PTPRG: variants seen among roughly 807,000 people sequenced by gnomAD.
The protein encoded by PTPRG is receptor-type tyrosine-protein phosphatase gamma.
In PTPRG, 102 loss-of-function variants were observed where a neutral mutation model predicts 165.3. The ratio of observed to expected loss-of-function variants is 0.62; its 90% CI spans 0.53 to 0.73. PTPRG has a LOEUF of 0.73. PTPRG is among the 30% of genes least tolerant of loss of function. PTPRG has a pLI of 0.00. For synonymous variants in PTPRG, 675 were observed against 669.5 expected, an observed-to-expected ratio of 1.01 and a Z score of -0.13; for missense variants, 1,866 against 1,861.4, an observed-to-expected ratio of 1.00 and a Z score of -0.05.
At chr3:61,814,719 A>G (rs2035702812) in intron 2 of PTPRG, among the ~76,000 whole-genome samples, 2 of 151,268 alleles carry the variant, frequency 1.3e-5, no homozygotes, top group Non-Finnish European at 2.9e-5. Flanking sequence ...ATGATAGGAT[A>G]TTGCTCTTGC....
intron 2 of PTPRG, among the ~76,000 whole-genome samples, chr3:61,809,983 C>A (rs1443872534): frequency 6.6e-6 from 1 of 152,182 alleles, no homozygotes; most frequent in Admixed American, 6.5e-5. Context: ...GGAATTGTGG[C>A]CATGCCCACC....
At chr3:62,031,629 T>G (rs923163668) in intron 4 of PTPRG, among the ~76,000 whole-genome samples, 8 of 152,300 alleles carry the variant, frequency 5.3e-5, no homozygotes, top group African/African-American at 1.9e-4. Flanking sequence ...TGGAATGACC[T>G]GCAGTGTAAA....
intron 1 of PTPRG, among the ~76,000 whole-genome samples, chr3:61,660,730 G>A (rs886269990): frequency 3.3e-5 from 5 of 152,250 alleles, no homozygotes; most frequent in Admixed American, 6.5e-5. Flanking sequence ...GACTGGATGC[G>A]TTGGCTCACG....
chr3:61,812,777 C>T (rs988211991), intron 2 of PTPRG, among the ~76,000 whole-genome samples: 1 of 152,230 alleles, frequency 6.6e-6, no homozygotes, highest in Admixed American at 6.5e-5. Context: ...AGATAATTCT[C>T]TGATGCAGTT....
chr3:61,826,549 T>G (rs1176542462), intron 2 of PTPRG, among the ~76,000 whole-genome samples: 3 of 152,124 alleles, frequency 2.0e-5, no homozygotes, highest in African/African-American at 4.8e-5. Flanking sequence ...ATGTTTGTAC[T>G]ATTTCCCCTC....
At chr3:62,102,997 A>T (rs750167950) in intron 5 of PTPRG, among the ~76,000 whole-genome samples, 16 of 152,210 alleles carry the variant, frequency 1.1e-4, no homozygotes, top group Non-Finnish European at 1.8e-4. Context: ...AAGTTAAATC[A>T]CAAGTCTTTC....
At chr3:61,673,222 A>G (rs984849321) in intron 1 of PTPRG, among the ~76,000 whole-genome samples, 3 of 152,250 alleles carry the variant, frequency 2.0e-5, no homozygotes, top group Non-Finnish European at 2.9e-5. Context: ...TTGTCCCTGC[A>G]TGTAAAACAA....
intron 4 of PTPRG, among the ~76,000 whole-genome samples, chr3:62,047,641 A>G (rs1337015284): frequency 6.6e-6 from 1 of 152,168 alleles, no homozygotes; most frequent in Non-Finnish European, 1.5e-5. Flanking sequence ...AGTTTTATGT[A>G]AGTTCTCTAA....
intron 4 of PTPRG, among the ~76,000 whole-genome samples, chr3:62,042,007 T>C (rs1700144545): frequency 6.6e-6 from 1 of 152,182 alleles, no homozygotes; most frequent in South Asian, 2.1e-4. Flanking sequence ...ACCCAGGCTT[T>C]AGTTTACCCA....
At chr3:62,265,938 C>T (rs1701860301) in intron 17 of PTPRG, among the ~76,000 whole-genome samples, 1 of 150,720 alleles carries the variant, frequency 6.6e-6, no homozygotes, top group African/African-American at 2.4e-5. Context: ...ATTCTCTCCA[C>T]CAGAGCATCC....
At chr3:61,622,472 G>A (rs1209543378) in intron 1 of PTPRG, among the ~76,000 whole-genome samples, 1 of 151,936 alleles carries the variant, frequency 6.6e-6, no homozygotes, top group Non-Finnish European at 1.5e-5. Context: ...GTGACAGATT[G>A]CAGTACGTAT....
chr3:61,676,394 T>A (rs2107096720), intron 1 of PTPRG, among the ~76,000 whole-genome samples: 1 of 132,276 alleles, frequency 7.6e-6, no homozygotes, highest in Admixed American at 9.1e-5. Context: ...GAGGCAGAGC[T>A]TGCAGTGAGC....
chr3:62,125,809 G>A (rs939559660), intron 5 of PTPRG, among the ~76,000 whole-genome samples: 5 of 152,010 alleles, frequency 3.3e-5, no homozygotes, highest in African/African-American at 1.2e-4. Context: ...CGGTTCAGGA[G>A]CAGCCTGCAC....
chr3:61,871,962 C>T (rs905034823), intron 2 of PTPRG, among the ~76,000 whole-genome samples: 2 of 152,172 alleles, frequency 1.3e-5, no homozygotes, highest in East Asian at 1.9e-4. Flanking sequence ...AGCTCAGAGC[C>T]AAAGCTCTCA....
intron 1 of PTPRG, among the ~76,000 whole-genome samples, chr3:61,571,099 T>C (rs984968410): frequency 7.2e-5 from 11 of 152,204 alleles, no homozygotes; most frequent in African/African-American, 2.7e-4. Context: ...GTAATTATAA[T>C]AGCCTACGCT....
rs1274065240 is a variant in PTPRG, at chr3:62,203,675, C to A, written c.1880C>A (p.Pro627His). ...AATCAGACGGAGCCCAGCCCCACAC[C>A]CTCGTCTCCTAACAGGACTGCCGAG... ...ERNQTEPSPTPSSPNRTAEGG... is the reference protein window; with the variant it reads ...ERNQTEPSPTHSSPNRTAEGG... Residue 627 changes from proline to histidine, a missense_variant, in exon 12 of 30, where the codon CCC becomes CAC. Coordinates refer to ENST00000474889, the MANE Select transcript of PTPRG (RefSeq NM_002841.4). This position sits in a 1 kb window ranked among gnomAD's most constrained non-coding sequence, Gnocchi z 6.4. 6.4e-7 allele frequency: 1 copy of A among 1,566,254 alleles called. No homozygotes were observed. Among genetic ancestry groups the A allele is most frequent in the Admixed American group, 1.9e-5 (1 of 52,290 alleles).
At chr3:62,286,110 A>G (rs748268357) in intron 28 of PTPRG, among the ~76,000 whole-genome samples, 14 of 152,182 alleles carry the variant, frequency 9.2e-5, no homozygotes, top group African/African-American at 2.9e-4. Flanking sequence ...GAGGTCCTCA[A>G]TAATTTTTTA....
At chr3:62,220,161 G>C (rs1022122504) in intron 13 of PTPRG, among the ~76,000 whole-genome samples, 2 of 152,232 alleles carry the variant, frequency 1.3e-5, no homozygotes, top group African/African-American at 4.8e-5. Flanking sequence ...GAGACGTGAA[G>C]ACAGGGGTAA....
intron 28 of PTPRG, among the ~76,000 whole-genome samples, chr3:62,285,652 C>T (rs1451787442): frequency 6.6e-6 from 1 of 151,978 alleles, no homozygotes; most frequent in Non-Finnish European, 1.5e-5. Context: ...AGACAAACTG[C>T]TTCATTCTCA....
Sources: allele counts gnomAD v4.1 joint callset (sites outside exome capture counted in the v4.1 genomes callset), GRCh38; gene constraint gnomAD v4.1.1; non-coding constraint Gnocchi (gnomAD v3.1); transcripts MANE v1.5; gene names NCBI Gene and HGNC (gene_info 2026-07-23, HGNC 2026-07-21).